C8orf34: variants seen among roughly 807,000 people sequenced by gnomAD.
C8orf34 encodes the protein chromosome 8 open reading frame 34.
Under a neutral mutation model 68.3 loss-of-function variants are expected in C8orf34, and 65 were observed. That is an observed-to-expected ratio of 0.95 (90% confidence interval 0.78 to 1.17). C8orf34 has a LOEUF of 1.17. Ranked by LOEUF, C8orf34 falls within the 50% of genes most tolerant of loss-of-function variation. The pLI is 0.00. For synonymous variants in C8orf34, 244 were observed against 241.2 expected (o/e 1.01, Z -0.11); for missense variants, 664 against 655.4 (o/e 1.01, Z -0.14).
chr8:68,799,107 G>A lies in C8orf34; in HGVS notation c.1549+11571G>A, dbSNP rs377140012. On this transcript the variant is annotated intron_variant, in intron 12 of 13. Transcript: ENST00000518698. ...AATTATTTGGATTGGAGCAATGCGTGGAGTTGAAGTCTTTAAAAGTTAGAA... is the reference window on the plus strand; with the variant it reads ...AATTATTTGGATTGGAGCAATGCGTAGAGTTGAAGTCTTTAAAAGTTAGAA... Among the ~76,000 whole-genome samples the A allele has an allele frequency of 8.9e-4, 136 of 152,250 alleles. 5 individuals carry two copies. The South Asian group carries it at 0.028, about 31-fold the overall frequency.
intron 7 of C8orf34, among the ~76,000 whole-genome samples, chr8:68,627,858 T>C (rs1443767700): frequency 6.6e-6 from 1 of 152,210 alleles, no homozygotes. Context: ...TGGGTTTGGC[T>C]ATTGAGTTTG....
chr8:68,585,766 T>C (rs1001749066), intron 7 of C8orf34, among the ~76,000 whole-genome samples: 2 of 152,120 alleles, frequency 1.3e-5, no homozygotes, highest in Admixed American at 6.6e-5. Context: ...TCCCTAAAGC[T>C]GCAGAAGTGT....
intron 1 of C8orf34, among the ~76,000 whole-genome samples, chr8:68,417,212 T>C (rs1809710983): frequency 6.6e-6 from 1 of 152,206 alleles, no homozygotes; most frequent in Non-Finnish European, 1.5e-5. Flanking sequence ...TAGAGCATTT[T>C]TAGGTTTCTA....
chr8:68,414,564 C>T (rs1809582547), intron 1 of C8orf34, among the ~76,000 whole-genome samples: 1 of 151,594 alleles, frequency 6.6e-6, no homozygotes, highest in African/African-American at 2.4e-5. Context: ...ATCAAATGTG[C>T]CAGGAATTGT....
chr8:68,370,507 A>G (rs1807513212), intron 1 of C8orf34, among the ~76,000 whole-genome samples: 1 of 152,146 alleles, frequency 6.6e-6, no homozygotes, highest in South Asian at 2.1e-4. Context: ...TGCTCTCCTC[A>G]CTAATGTATT....
intron 3 of C8orf34, among the ~76,000 whole-genome samples, chr8:68,461,638 A>T (rs1811832649): frequency 6.6e-6 from 1 of 152,200 alleles, no homozygotes; most frequent in South Asian, 2.1e-4. Context: ...GCCAATATTC[A>T]ACATTGTTAA....
chr8:68,652,170 C>G (rs1226031343), intron 8 of C8orf34, among the ~76,000 whole-genome samples: 4 of 152,214 alleles, frequency 2.6e-5, no homozygotes, highest in Non-Finnish European at 5.9e-5. Context: ...GTACTCCATG[C>G]CTATTCCTTA....
intron 7 of C8orf34, chr8:68,533,761 A>G (rs1383935749): frequency 1.0e-6 from 1 of 961,450 alleles, no homozygotes; most frequent in African/African-American, 1.8e-5. Context: ...CTTCATCAGA[A>G]ATCTCTTCAT....
chr8:68,483,278 C>G (rs1812937569), intron 4 of C8orf34, among the ~76,000 whole-genome samples: 3 of 152,134 alleles, frequency 2.0e-5, no homozygotes, highest in Admixed American at 6.5e-5. Context: ...GTGTTTTGTG[C>G]TGTGCTGGTT....
At chr8:68,701,571 C>A (rs1821018375) in intron 8 of C8orf34, among the ~76,000 whole-genome samples, 1 of 152,072 alleles carries the variant, frequency 6.6e-6, no homozygotes, top group Non-Finnish European at 1.5e-5. Flanking sequence ...CATTTCTGAG[C>A]ACCTCCAGCC....
chr8:68,623,858 T>G (rs1419258970), intron 7 of C8orf34, among the ~76,000 whole-genome samples: 2 of 152,104 alleles, frequency 1.3e-5, no homozygotes, highest in Admixed American at 6.5e-5. Context: ...TACCTTCACA[T>G]CAGGGCTTAG....
chr8:68,774,944 T>TAAAAA lies in C8orf34; in HGVS notation c.1405-1436_1405-1432dup, dbSNP rs1224756627. Among the ~76,000 whole-genome samples, 63 of 44,674 alleles carry TAAAAA rather than the reference T, an allele frequency of 1.4e-3. 5 individuals carry two copies. The highest frequency in any genetic ancestry group is 6.6e-3 in the African/African-American group (53 of 8,014). 29.3% of individuals were successfully genotyped at this position (44,674 alleles called of 152,430 possible). On this transcript the variant is annotated intron_variant, in intron 10 of 13. Transcript: ENST00000518698. ...CAACATGATGAAACCCTGTCTCCAC[T>TAAAAA]AAAAAAAAAAAAAAAAAAAAAAATT...
chr8:68,346,143 T>A (rs2129618280), intron 1 of C8orf34, among the ~76,000 whole-genome samples: 1 of 152,278 alleles, frequency 6.6e-6, no homozygotes, highest in South Asian at 2.1e-4. Context: ...ACTGATTGAA[T>A]GTGTATTCTT....
chr8:68,502,715 A>G (rs2129632680), intron 5 of C8orf34, among the ~76,000 whole-genome samples: 1 of 152,348 alleles, frequency 6.6e-6, no homozygotes, highest in Middle Eastern at 3.4e-3. Context: ...ATTCCAGTAT[A>G]TAAATGAATG....
chr8:68,788,580 G>A (rs1476011500), intron 12 of C8orf34, among the ~76,000 whole-genome samples: 2 of 152,140 alleles, frequency 1.3e-5, no homozygotes, highest in African/African-American at 2.4e-5. Flanking sequence ...CAACTGATAG[G>A]CTGGGCATGG....
intron 10 of C8orf34, among the ~76,000 whole-genome samples, chr8:68,736,298 A>G (rs904798829): frequency 6.6e-6 from 1 of 152,102 alleles, no homozygotes; most frequent in African/African-American, 2.4e-5. Flanking sequence ...TTGTAAGTGC[A>G]TTGCTAAAAT....
chr8:68,444,527 C>A (rs908842841), intron 2 of C8orf34, among the ~76,000 whole-genome samples: 1 of 151,996 alleles, frequency 6.6e-6, no homozygotes. Context: ...AATGTTCTAT[C>A]TAGTTCTAGA....
At chr8:68,531,174 A>G (rs1194277215) in intron 6 of C8orf34, among the ~76,000 whole-genome samples, 7 of 152,170 alleles carry the variant, frequency 4.6e-5, no homozygotes, top group Non-Finnish European at 4.4e-5. Flanking sequence ...TTATGTACCC[A>G]TAATATAATC....
intron 7 of C8orf34, among the ~76,000 whole-genome samples, chr8:68,617,292 G>A (rs1348018893): frequency 1.3e-5 from 2 of 152,172 alleles, no homozygotes; most frequent in Admixed American, 1.3e-4. Flanking sequence ...TACATTTAAA[G>A]TTAATAGTGT....
Sources: gnomAD v4.1 joint callset for allele counts (sites outside exome capture counted in the v4.1 genomes callset) on GRCh38, gnomAD v4.1.1 for gene constraint, MANE v1.5 for transcripts, NCBI Gene and HGNC (gene_info 2026-07-23, HGNC 2026-07-21) for gene names.